Variants in RBFOX3 observed in about 807,000 individuals in gnomAD.
RBFOX3 encodes the protein RNA binding protein fox-1 homolog 3.
In RBFOX3, 17 loss-of-function variants were observed where a neutral mutation model predicts 48.7. The ratio of observed to expected loss-of-function variants is 0.35; its 90% CI spans 0.24 to 0.52. The LOEUF (loss-of-function observed/expected upper bound fraction) is 0.52. Ranked by LOEUF, RBFOX3 falls within the 20% of genes least tolerant of loss-of-function variation. The probability of loss-of-function intolerance (pLI) is 0.94; values close to 1 mark genes in which losing one functional copy is unlikely to be tolerated. For missense variants in RBFOX3, 382 were observed against 497.5 expected (o/e 0.77, Z 2.21); for synonymous variants, 212 against 209.5 (o/e 1.01, Z -0.10).
At chr17:79,528,773 A>T (rs1425110257) in intron 1 of RBFOX3, among the ~76,000 whole-genome samples, 1 of 152,042 alleles carries the variant, frequency 6.6e-6, no homozygotes, top group African/African-American at 2.4e-5. Flanking sequence ...AAAGCCAGGA[A>T]GAGGGGAGGG....
chr17:79,202,462 T>C (rs79000376), intron 4 of RBFOX3, among the ~76,000 whole-genome samples: 7,731 of 152,118 alleles, frequency 0.051, 243 homozygotes, highest in East Asian at 0.12. Context: ...CTGGGAGCAA[T>C]CCCTTATATA....
intron 1 of RBFOX3, among the ~76,000 whole-genome samples, chr17:79,586,172 A>T (rs1368634508): frequency 3.3e-5 from 5 of 152,182 alleles, no homozygotes; most frequent in Non-Finnish European, 7.4e-5. Context: ...CCTCCAGACC[A>T]AAAGATGTCC....
At position 79,418,412 on chromosome 17, in the gene RBFOX3, G is replaced by A. The variant is rs1382888203; in HGVS notation, c.-175+64042C>T. On this transcript the variant is annotated intron_variant, in intron 2 of 14. Transcript: ENST00000693108. The surrounding 1 kb of genome is among the most constrained non-coding windows in gnomAD (Gnocchi z 5.0). ...CCTGCCCCCAATTTTCCCTCCACTAGATAATCTCCTTGAACAATTTCATAA... is the reference window on the plus strand; with the variant it reads ...CCTGCCCCCAATTTTCCCTCCACTAAATAATCTCCTTGAACAATTTCATAA... Among the ~76,000 whole-genome samples the A allele has an allele frequency of 6.6e-6, 1 of 152,148 alleles. No individual in the cohort carries two copies.
At chr17:79,644,962 T>C in the RBFOX3 span, among the ~76,000 whole-genome samples, 1 of 152,234 alleles carries the variant, frequency 6.6e-6, no homozygotes. Flanking sequence ...ATTCTTCCAA[T>C]TGTTCAGAAA....
intron 1 of RBFOX3, among the ~76,000 whole-genome samples, chr17:79,607,763 A>C (rs1054268651): frequency 2.6e-5 from 4 of 152,208 alleles, no homozygotes; most frequent in Non-Finnish European, 5.9e-5. Context: ...AGAAGGCTGC[A>C]GGGGAGAGGC....
intron 2 of RBFOX3, among the ~76,000 whole-genome samples, chr17:79,389,238 G>A (rs979441836): frequency 6.6e-6 from 1 of 152,218 alleles, no homozygotes; most frequent in Non-Finnish European, 1.5e-5. Flanking sequence ...CCTTTGGTGT[G>A]CAACGAGAGT....
At chr17:79,541,235 A>G (rs151132103) in intron 1 of RBFOX3, among the ~76,000 whole-genome samples, 1 of 152,306 alleles carries the variant, frequency 6.6e-6, no homozygotes, top group African/African-American at 2.4e-5. Context: ...CAGGAAAAAT[A>G]AATTAGATTC....
chr17:79,142,671 G>C (rs2042142389), intron 4 of RBFOX3, among the ~76,000 whole-genome samples: 1 of 152,158 alleles, frequency 6.6e-6, no homozygotes, highest in Non-Finnish European at 1.5e-5. Context: ...CCAGCTGGGG[G>C]GTGCCGGGGG....
Position 79,554,033 on chromosome 17 carries a change from T to A in RBFOX3, c.-320+56793A>T, listed in dbSNP as rs911485679. Among the ~76,000 whole-genome samples the A allele has an allele frequency of 4.2e-4, 64 of 152,326 alleles. 1 individual carries two copies. The South Asian group carries it at 0.011, about 26-fold the overall frequency. ...ACAGGCGTGAGCCACTGTGCCTGGC[T>A]GCTTTCTTGACTTCTAACCTTGACT... On this transcript the variant is annotated intron_variant, in intron 1 of 14. Coordinates refer to ENST00000693108, the MANE Select transcript of RBFOX3 (RefSeq NM_001350451.2).
At chr17:79,403,349 T>A (rs2063065196) in intron 2 of RBFOX3, among the ~76,000 whole-genome samples, 1 of 152,164 alleles carries the variant, frequency 6.6e-6, no homozygotes. Context: ...GCCCCTGAGG[T>A]CAGGGATCTG....
chr17:79,463,100 TCCA>T (rs782503749), intron 2 of RBFOX3, among the ~76,000 whole-genome samples: 109 of 127,052 alleles, frequency 8.6e-4, no homozygotes, highest in Non-Finnish European at 1.4e-3. Context: ...CACTGCCACC[TCCA>T]CCGCCATCGC....
At chr17:79,439,121 G>A (rs375545595) in intron 2 of RBFOX3, among the ~76,000 whole-genome samples, 162 of 152,338 alleles carry the variant, frequency 1.1e-3, no homozygotes, top group African/African-American at 3.6e-3. Flanking sequence ...AGGGCCCGGC[G>A]TGATAAATAG....
At chr17:79,268,759 G>A (rs2143522858) in intron 3 of RBFOX3, among the ~76,000 whole-genome samples, 1 of 152,180 alleles carries the variant, frequency 6.6e-6, no homozygotes, top group African/African-American at 2.4e-5. Flanking sequence ...TCCCTCTCCA[G>A]TAGCCCCCGG....
intron 2 of RBFOX3, among the ~76,000 whole-genome samples, chr17:79,354,309 A>G (rs1053372835): frequency 1.3e-5 from 2 of 152,234 alleles, no homozygotes; most frequent in African/African-American, 4.8e-5. Context: ...CTCTGTAGGC[A>G]CTGGGGCCAC....
At chr17:79,144,470 T>G (rs941121553) in intron 4 of RBFOX3, among the ~76,000 whole-genome samples, 1 of 152,132 alleles carries the variant, frequency 6.6e-6, no homozygotes, top group African/African-American at 2.4e-5. Context: ...AGCTCTTTCC[T>G]GGTGTGGGGC....
chr17:79,096,566 C>A (rs1376203983), intron 12 of RBFOX3, 87 bp downstream of exon 12: 2 of 1,169,962 alleles, frequency 1.7e-6, no homozygotes, highest in Admixed American at 2.0e-5. Context: ...ATGGGAGGAG[C>A]GGGCAGTGAG....
rs189963729 is a variant in RBFOX3 at position 79,182,265 on chromosome 17, C to A, written c.-34+53501G>T. On this transcript the variant is annotated intron_variant, in intron 4 of 14. Coordinates refer to ENST00000693108, the MANE Select transcript of RBFOX3 (RefSeq NM_001350451.2). ...CAGGCTCCTCCAGCAGCCGCCCCCACCCCTGCAGGCCCAAGCAGAGGGTGA... is the reference window on the plus strand; with the variant it reads ...CAGGCTCCTCCAGCAGCCGCCCCCAACCCTGCAGGCCCAAGCAGAGGGTGA... Among the ~76,000 whole-genome samples the A allele has an allele frequency of 1.2e-3, 178 of 152,314 alleles. 2 individuals carry two copies. Among genetic ancestry groups the A allele is most frequent in the African/African-American group, 4.1e-3 (170 of 41,582 alleles).
intron 3 of RBFOX3, among the ~76,000 whole-genome samples, chr17:79,272,013 G>C (rs4274471): frequency 0.17 from 25,628 of 152,254 alleles, 2,340 homozygotes; most frequent in East Asian, 0.21. Flanking sequence ...TAGCCCGCTG[G>C]GTGGGCCTGG....
intron 1 of RBFOX3, among the ~76,000 whole-genome samples, chr17:79,555,849 G>A (rs975205366): frequency 9.2e-5 from 14 of 152,200 alleles, no homozygotes; most frequent in East Asian, 1.9e-4. Flanking sequence ...TGATGGTAAC[G>A]GTGGTGATGA....
Sources: allele counts gnomAD v4.1 joint callset (sites outside exome capture counted in the v4.1 genomes callset), GRCh38; gene constraint gnomAD v4.1.1; non-coding constraint Gnocchi (gnomAD v3.1); transcripts MANE v1.5; gene names NCBI Gene and HGNC (gene_info 2026-07-23, HGNC 2026-07-21).